Variants in DLGAP4 observed in about 807,000 individuals in gnomAD.
The protein encoded by DLGAP4 is DLG associated protein 4.
DLGAP4 carries 18 observed loss-of-function variants against 86.9 expected under a neutral mutation model. The ratio of observed to expected loss-of-function variants is 0.21; its 90% CI spans 0.14 to 0.31. The LOEUF (loss-of-function observed/expected upper bound fraction) is 0.31, where lower values mean the gene tolerates loss of function less well. Among genes scored for constraint, DLGAP4 ranks in the 10% least tolerant of loss-of-function variants. DLGAP4 has a pLI of 1.00. For missense variants in DLGAP4, 1,085 were observed against 1,362.6 expected (o/e 0.80, Z 3.21); for synonymous variants, 548 against 574.3 (o/e 0.95, Z 0.65).
At chr20:36,355,914 G>T (rs1372995571) in intron 1 of DLGAP4, among the ~76,000 whole-genome samples, 1 of 152,184 alleles carries the variant, frequency 6.6e-6, no homozygotes, top group African/African-American at 2.4e-5. Flanking sequence ...TGAGGATAGA[G>T]CTCAGGCCCC....
chr20:36,454,564 G>A (rs1346192584), intron 7 of DLGAP4, among the ~76,000 whole-genome samples: 1 of 152,108 alleles, frequency 6.6e-6, no homozygotes, highest in Admixed American at 6.6e-5. Context: ...TCCAGCCACT[G>A]TCTCCCTACT....
At chr20:36,408,391 C>T (rs923305975) in intron 2 of DLGAP4, among the ~76,000 whole-genome samples, 2 of 152,062 alleles carry the variant, frequency 1.3e-5, no homozygotes, top group Admixed American at 6.5e-5. Flanking sequence ...ACTAAGCGGG[C>T]GGGATGTTTA....
intron 1 of DLGAP4, among the ~76,000 whole-genome samples, chr20:36,311,655 T>C (rs1230047746): frequency 6.6e-6 from 1 of 152,204 alleles, no homozygotes; most frequent in African/African-American, 2.4e-5. Flanking sequence ...TGAGCACCGA[T>C]GTCCGGACTC....
chr20:36,487,072 C>G (rs904538829), intron 7 of DLGAP4, among the ~76,000 whole-genome samples: 1 of 152,152 alleles, frequency 6.6e-6, no homozygotes, highest in Non-Finnish European at 1.5e-5. Flanking sequence ...AGACGCTGGT[C>G]TCTGTTAGCT....
At chr20:36,315,081 A>G (rs2065086494) in intron 1 of DLGAP4, among the ~76,000 whole-genome samples, 3 of 95,348 alleles carry the variant, frequency 3.1e-5, no homozygotes, top group Non-Finnish European at 6.1e-5. Context: ...TGTGTGTGTT[A>G]TGTATGGTGT....
chr20:36,375,302 A>C (rs1342848901), intron 2 of DLGAP4, among the ~76,000 whole-genome samples: 1 of 152,142 alleles, frequency 6.6e-6, no homozygotes, highest in Non-Finnish European at 1.5e-5. Context: ...TCTCTTCTAA[A>C]TCCTCAAATG....
At chr20:36,460,638 G>C (rs1453566512) in intron 7 of DLGAP4, among the ~76,000 whole-genome samples, 1 of 152,238 alleles carries the variant, frequency 6.6e-6, no homozygotes, top group Non-Finnish European at 1.5e-5. Flanking sequence ...TACCACAGGT[G>C]CGGCCTGGAG....
At chr20:36,360,156 T>C (rs563871642) in intron 1 of DLGAP4, among the ~76,000 whole-genome samples, 38 of 152,324 alleles carry the variant, frequency 2.5e-4, no homozygotes, top group African/African-American at 8.4e-4. Context: ...ACAGCAACCC[T>C]TTGTAATAGG....
chr20:36,333,921 C>G (rs2082346934), intron 1 of DLGAP4, among the ~76,000 whole-genome samples: 1 of 152,246 alleles, frequency 6.6e-6, no homozygotes, highest in Non-Finnish European at 1.5e-5. Context: ...TTTAGAGGCA[C>G]TAGGAGCAAG....
intron 7 of DLGAP4, among the ~76,000 whole-genome samples, chr20:36,490,327 G>A (rs1296252273): frequency 6.6e-6 from 1 of 152,196 alleles, no homozygotes; most frequent in Admixed American, 6.5e-5. Flanking sequence ...TCTGCCTTGG[G>A]AGAAAGAAGC....
chr20:36,502,178 T>G (rs2036173948), intron 10 of DLGAP4, among the ~76,000 whole-genome samples: 1 of 152,224 alleles, frequency 6.6e-6, no homozygotes, highest in South Asian at 2.1e-4. Context: ...CATCACAGTT[T>G]ATGATAAATA....
At chr20:36,403,746 C>T (rs1473293390) in intron 2 of DLGAP4, among the ~76,000 whole-genome samples, 1 of 152,226 alleles carries the variant, frequency 6.6e-6, no homozygotes, top group Non-Finnish European at 1.5e-5. Flanking sequence ...TTAGGACCAG[C>T]TTAGCTAGGT....
intron 2 of DLGAP4, among the ~76,000 whole-genome samples, chr20:36,407,654 C>T (rs779163595): frequency 1.3e-5 from 2 of 151,998 alleles, no homozygotes; most frequent in East Asian, 1.9e-4. Flanking sequence ...ATATGGCAAC[C>T]GGCTGTGGTC....
chr20:36,358,210 G>A (rs1443624542), intron 1 of DLGAP4, among the ~76,000 whole-genome samples: 10 of 152,334 alleles, frequency 6.6e-5, no homozygotes, highest in East Asian at 3.9e-4. Flanking sequence ...AGTGAGGCAC[G>A]CATGAGACAG....
chr20:36,436,435 A>G lies in DLGAP4; in HGVS notation c.1241+85A>G, dbSNP rs965330987. ...TCTTGCTCCCTGGGAGGAGCCCTGC[A>G]TTAAAATAAGCCCCGCCTGCGTGGG... On this transcript the variant is annotated intron_variant, in intron 4 of 12. Coordinates refer to ENST00000339266, the MANE Select transcript of DLGAP4 (RefSeq NM_001365621.2). 25 of 1,446,866 alleles carry G rather than the reference A, an allele frequency of 1.7e-5. No homozygotes were observed. In the African/African-American group the frequency reaches 3.0e-4, roughly 17 times the overall value. The allele number at this position is 1,446,866 out of a possible 1,614,324, so 89.6% of individuals were successfully genotyped here.
At chr20:36,502,641 C>T (rs1265317085) in intron 10 of DLGAP4, among the ~76,000 whole-genome samples, 1 of 152,166 alleles carries the variant, frequency 6.6e-6, no homozygotes, top group Non-Finnish European at 1.5e-5. Context: ...CGTGAGCCAC[C>T]ACACCCGGAC....
intron 1 of DLGAP4, among the ~76,000 whole-genome samples, chr20:36,331,382 T>G (rs993115392): frequency 6.6e-6 from 1 of 152,206 alleles, no homozygotes; most frequent in African/African-American, 2.4e-5. Flanking sequence ...CCGATGGCCT[T>G]GGAGGGAGCA....
chr20:36,323,415 T>G (rs1184278802), intron 1 of DLGAP4, among the ~76,000 whole-genome samples: 4 of 152,192 alleles, frequency 2.6e-5, no homozygotes, highest in Admixed American at 2.6e-4. Context: ...AGATTCATCA[T>G]GGCTGTTGTG....
intron 7 of DLGAP4, among the ~76,000 whole-genome samples, chr20:36,479,683 AG>A (rs1389804987): frequency 6.6e-6 from 1 of 152,026 alleles, no homozygotes; most frequent in Non-Finnish European, 1.5e-5. Flanking sequence ...GTTGGCATGA[AG>A]GGGGTGATGG....
Sources: gnomAD v4.1 joint callset for allele counts (sites outside exome capture counted in the v4.1 genomes callset) on GRCh38, gnomAD v4.1.1 for gene constraint, MANE v1.5 for transcripts, NCBI Gene and HGNC (gene_info 2026-07-23, HGNC 2026-07-21) for gene names.